Variants in UMPS observed in about 807,000 individuals in gnomAD.
UMPS encodes uridine monophosphate synthetase.
A neutral mutation model predicts 38.9 loss-of-function variants in UMPS; 21 were observed. The observed-to-expected ratio is 0.54, with a 90% CI of 0.38 to 0.78. The LOEUF is 0.78. UMPS is among the 30% of genes least tolerant of loss of function. The pLI is 0.00. For synonymous variants in UMPS, 208 were observed against 219.3 expected (o/e 0.95, Z 0.45); for missense variants, 533 against 591.6 (o/e 0.90, Z 1.03).
chr3:124,731,589 G>T, intron 1 of UMPS: 2 of 379,226 alleles, frequency 5.3e-6, no homozygotes, highest in Non-Finnish European at 1.0e-5. Flanking sequence ...GGGCTTAAGA[G>T]ATCTTCTTGC....
At chr3:124,742,064 TAA>T in intron 4 of UMPS, 86 bp from the exon 5 acceptor site, 13 of 1,028,908 alleles carry the variant, frequency 1.3e-5, no homozygotes, top group Admixed American at 1.0e-4. Flanking sequence ...TTTTTTTTTT[TAA>T]GTTTTGAAAA....
intron 1 of UMPS, chr3:124,731,685 T>C: frequency 4.7e-6 from 1 of 212,990 alleles, no homozygotes; most frequent in Non-Finnish European, 9.9e-6. Flanking sequence ...TCACTTAAGG[T>C]CTGGAGTTCG....
intron 5 of UMPS, among the ~76,000 whole-genome samples, chr3:124,742,978 G>T (rs2063566928): frequency 6.6e-6 from 1 of 152,036 alleles, no homozygotes. Context: ...CATTGAGGGG[G>T]TGAATATTTA....
rs1553749889 is a variant in UMPS at position 124,746,755 on chromosome 3, T to TCGTGTGTGTGTG, written c.*2671_*2672insCGTGTGTGTGTG. 2.7e-6 allele frequency: 1 copy of TCGTGTGTGTGTG among 373,208 alleles called. No homozygotes were observed. The highest frequency in any genetic ancestry group is 5.5e-6 in the Non-Finnish European group (1 of 183,152). 23.1% of individuals were successfully genotyped at this position (373,208 alleles called of 1,614,324 possible). A position where few individuals can be genotyped will look rare whatever the true frequency, so the allele number is the denominator to read the frequency against. ...ATTCTGTAGAACATAAGCCCATAGATTGTGTGTGTGTGTGTGTGTGTGTGT... is the reference window on the plus strand; with the variant it reads ...ATTCTGTAGAACATAAGCCCATAGATCGTGTGTGTGTGTGTGTGTGTGTGTGTGTGTGTGTGT... On this transcript the variant is annotated 3_prime_UTR_variant, in exon 6 of 6. Coordinates refer to ENST00000232607, the MANE Select transcript of UMPS (RefSeq NM_000373.4).
chr3:124,740,276 G>T, intron 4 of UMPS, 77 bp downstream of exon 4: 1 of 1,449,692 alleles, frequency 6.9e-7, no homozygotes, highest in Non-Finnish European at 9.3e-7. Flanking sequence ...CTCCTAATCT[G>T]GCGTTTCTGG....
chr3:124,738,497 GAATA>G, intron 3 of UMPS: 1 of 452,458 alleles, frequency 2.2e-6, no homozygotes. Flanking sequence ...TTGGGATGTA[GAATA>G]CCTTCATTAA....
Position 124,744,172 on chromosome 3 carries a change from T to A in UMPS, c.*88T>A, listed in dbSNP as rs2063579229. 2 of 1,491,050 alleles carry A rather than the reference T, an allele frequency of 1.3e-6. No individual in the cohort carries two copies. The highest frequency in any genetic ancestry group is 2.8e-5 in the African/African-American group (2 of 72,442). The allele number at this position is 1,491,050 out of a possible 1,614,324, so 92.4% of individuals were successfully genotyped here. A position where few individuals can be genotyped will look rare whatever the true frequency, so the allele number is the denominator to read the frequency against. On this transcript the variant is annotated 3_prime_UTR_variant, in exon 6 of 6. Coordinates refer to ENST00000232607, the MANE Select transcript of UMPS (RefSeq NM_000373.4). ...AGTCACTGGCTGGAAATAATCCAAT[T>A]ATTCCTGCTTGGATTCTTCCACAGG...
At chr3:124,738,313 T>C (rs2063532228) in intron 3 of UMPS, 74 bp downstream of exon 3, 3 of 1,517,770 alleles carry the variant, frequency 2.0e-6, no homozygotes, top group Admixed American at 1.8e-5. Context: ...GAAATGCTCA[T>C]GTCATTGAAA....
chr3:124,736,033 G>C (rs1024394657), intron 2 of UMPS, among the ~76,000 whole-genome samples: 12 of 152,318 alleles, frequency 7.9e-5, no homozygotes, highest in Middle Eastern at 3.4e-3. Context: ...TGTAATCCCA[G>C]CACTTTGGGA....
At chr3:124,734,368 G>A (rs749620668) in intron 1 of UMPS, among the ~76,000 whole-genome samples, 8 of 152,152 alleles carry the variant, frequency 5.3e-5, no homozygotes, top group Non-Finnish European at 8.8e-5. Flanking sequence ...ACAATAGTCT[G>A]TATTTATGAA....
chr3:124,730,458 G>T lies in UMPS; in HGVS notation c.-14G>T. 6.2e-7 allele frequency: 1 copy of T among 1,613,856 alleles called. No individual in the cohort carries two copies. The highest frequency in any genetic ancestry group is 8.5e-7 in the Non-Finnish European group (1 of 1,179,902). On this transcript the variant is annotated 5_prime_UTR_variant, in exon 1 of 6. It adds an upstream start codon to the 5' untranslated region. Transcript: ENST00000232607. ...GGCGCCTGGGAATTTGAAGCAAACA[G>T]GCAGCGCGCGACAATGGCGGTCGCT...
chr3:124,748,964 G>T lies in UMPS; in HGVS notation c.*4880G>T, dbSNP rs1005267010. The T allele has an allele frequency of 2.9e-5, 13 of 453,896 alleles. No homozygotes were observed. The highest frequency in any genetic ancestry group is 6.8e-4 in the Middle Eastern group (1 of 1,466). 28.1% of individuals were successfully genotyped at this position (453,896 alleles called of 1,614,324 possible). A position where few individuals can be genotyped will look rare whatever the true frequency, so the allele number is the denominator to read the frequency against. ...GAAGTGGACGGGCCGCACAACCAAGGTTCTCATGAGGACAACCATGTCTTC... is the reference window on the plus strand; with the variant it reads ...GAAGTGGACGGGCCGCACAACCAAGTTTCTCATGAGGACAACCATGTCTTC... On this transcript the variant is annotated 3_prime_UTR_variant, in exon 6 of 6. Coordinates refer to ENST00000232607, the MANE Select transcript of UMPS (RefSeq NM_000373.4).
In UMPS at chr3:124,748,940, A is replaced by G; in HGVS notation, c.*4856A>G. 1 of 452,714 alleles carries G rather than the reference A, an allele frequency of 2.2e-6. No homozygotes were observed. Among genetic ancestry groups the G allele is most frequent in the Non-Finnish European group, 4.4e-6 (1 of 225,770 alleles). The allele number at this position is 452,714 out of a possible 1,614,324, so 28.0% of individuals were successfully genotyped here. ...TCGTCAGGTAAGGACAGTCAGTGGGAAGTGGACGGGCCGCACAACCAAGGT... is the reference window on the plus strand; with the variant it reads ...TCGTCAGGTAAGGACAGTCAGTGGGGAGTGGACGGGCCGCACAACCAAGGT... On this transcript the variant is annotated 3_prime_UTR_variant, in exon 6 of 6. Transcript: ENST00000232607.
chr3:124,736,663 C>A (rs894405606), intron 2 of UMPS, among the ~76,000 whole-genome samples: 12 of 152,048 alleles, frequency 7.9e-5, no homozygotes, highest in African/African-American at 2.7e-4. Flanking sequence ...ACTCTTATTT[C>A]TATTATTTTA....
Position 124,745,574 on chromosome 3 carries a change from T to C in UMPS, c.*1490T>C. On this transcript the variant is annotated 3_prime_UTR_variant, in exon 6 of 6. Transcript: ENST00000232607. ...AAGTTTTTACTTCAAGAGCTTCTGC[T>C]CTAAAGTCCAATTTGGGCTTCATGT... The C allele has an allele frequency of 2.2e-6, 1 of 454,050 alleles. No homozygotes were observed. The allele number at this position is 454,050 out of a possible 1,614,324, so 28.1% of individuals were successfully genotyped here. A position where few individuals can be genotyped will look rare whatever the true frequency, so the allele number is the denominator to read the frequency against.
chr3:124,730,653 A>G (rs1346368947), intron 1 of UMPS, 26 bp downstream of exon 1: 1 of 1,606,268 alleles, frequency 6.2e-7, no homozygotes, highest in Admixed American at 1.7e-5. Context: ...GGGAAAGGAC[A>G]GGGCTTGGTG....
In UMPS at chr3:124,744,078, T is replaced by A; in HGVS notation, c.1437T>A (p.Gly479=). The change falls in exon 6 of 6, where the codon GGT becomes GGA. Residue 479 remains glycine, a synonymous_variant. Transcript: ENST00000232607. The stretch of plus-strand genomic sequence containing the variant: ...GGGAAGCGTATTTGAGTAGACTTGG[T>A]GTTTGAGTGCTTCAGATACATTTTT... The part of the protein sequence containing the change: ...AAWEAYLSRL[G]V 1 of 1,614,006 alleles carries A rather than the reference T, an allele frequency of 6.2e-7. No homozygotes were observed. The highest frequency in any genetic ancestry group is 8.5e-7 in the Non-Finnish European group (1 of 1,179,942).
rs1185171544 is a variant in UMPS at position 124,738,088 on chromosome 3, C to T, written c.831C>T (p.Ile277=). ...LQLADALGPS[I]CMLKTHVDIL... is the part of the protein sequence containing the mutation. The stretch of plus-strand genomic sequence containing the variant: ...TAGCAGATGCTTTAGGACCTAGTAT[C>T]TGCATGCTGAAGACTCATGTAGATA... The change falls in exon 3 of 6, where the codon ATC becomes ATT. Residue 277 remains isoleucine (I), a synonymous_variant. Coordinates refer to ENST00000232607, the MANE Select transcript of UMPS (RefSeq NM_000373.4). 1 of 1,614,082 alleles carries T rather than the reference C, an allele frequency of 6.2e-7. No homozygotes were observed. Among genetic ancestry groups the T allele is most frequent in the Non-Finnish European group, 8.5e-7 (1 of 1,180,044 alleles).
intron 4 of UMPS, among the ~76,000 whole-genome samples, chr3:124,741,182 A>G (rs2063554628): frequency 6.6e-6 from 1 of 152,204 alleles, no homozygotes; most frequent in South Asian, 2.1e-4. Context: ...GCCATGAGTC[A>G]GTTTTAATAT....
Sources: allele counts gnomAD v4.1 joint callset (sites outside exome capture counted in the v4.1 genomes callset), GRCh38; gene constraint gnomAD v4.1.1; transcripts MANE v1.5; gene names NCBI Gene and HGNC (gene_info 2026-07-23, HGNC 2026-07-21).